The following WASF3 variants were observed in gnomAD, a reference collection of about 807,000 sequenced individuals.
The protein encoded by WASF3 is actin-binding protein WASF3.
A neutral mutation model predicts 46.6 loss-of-function variants in WASF3; 11 were observed. The ratio of observed to expected loss-of-function variants is 0.24; its 90% CI spans 0.15 to 0.39. The LOEUF (loss-of-function observed/expected upper bound fraction) is 0.39. Ranked by LOEUF, WASF3 falls within the 10% of genes least tolerant of loss-of-function variation. The probability of loss-of-function intolerance (pLI) is 1.00; values close to 1 mark genes in which losing one functional copy is unlikely to be tolerated. For missense variants in WASF3, 576 were observed against 669.8 expected, an observed-to-expected ratio of 0.86 and a Z score of 1.55; for synonymous variants, 242 against 259.7, an observed-to-expected ratio of 0.93 and a Z score of 0.65.
chr13:26,559,794 T>TTTCTC (rs777294758), intron 1 of WASF3, among the ~76,000 whole-genome samples: 1 of 61,996 alleles, frequency 1.6e-5, no homozygotes, highest in Non-Finnish European at 3.2e-5. Context: ...TTTCTTTTCT[T>TTTCTC]TCTTTCTTTC....
chr13:26,617,704 G>A (rs1347366752), intron 2 of WASF3, among the ~76,000 whole-genome samples: 1 of 152,130 alleles, frequency 6.6e-6, no homozygotes, highest in Non-Finnish European at 1.5e-5. Flanking sequence ...TAAAATTCTT[G>A]ACAGTGCATG....
chr13:26,657,654 A>G (rs1367177756), intron 3 of WASF3, among the ~76,000 whole-genome samples: 1 of 152,240 alleles, frequency 6.6e-6, no homozygotes. Flanking sequence ...ATAAGTCCAG[A>G]AGTGGAACCT....
At chr13:26,590,210 G>A (rs903376418) in intron 1 of WASF3, among the ~76,000 whole-genome samples, 3 of 151,430 alleles carry the variant, frequency 2.0e-5, no homozygotes, top group Admixed American at 1.3e-4. Context: ...TTTTTTATTC[G>A]TGACCCTCTG....
chr13:26,567,330 T>G (rs1156455968), intron 1 of WASF3, among the ~76,000 whole-genome samples: 1 of 152,158 alleles, frequency 6.6e-6, no homozygotes, highest in Non-Finnish European at 1.5e-5. Flanking sequence ...TAAAGGTGGC[T>G]TTAGAGACCG....
chr13:26,656,824 C>T (rs1323202869), intron 3 of WASF3, among the ~76,000 whole-genome samples: 4 of 151,778 alleles, frequency 2.6e-5, no homozygotes, highest in Admixed American at 2.0e-4. Flanking sequence ...TTGTAATAGT[C>T]CCATTAAAAT....
the WASF3 span, among the ~76,000 whole-genome samples, chr13:26,540,910 G>A: frequency 6.6e-6 from 1 of 152,170 alleles, no homozygotes; most frequent in Non-Finnish European, 1.5e-5. Flanking sequence ...AAAGCAGATT[G>A]CAAGATAGTT....
intron 3 of WASF3, among the ~76,000 whole-genome samples, chr13:26,644,967 A>C (rs1465369813): frequency 6.6e-6 from 1 of 152,184 alleles, no homozygotes; most frequent in Admixed American, 6.5e-5. Flanking sequence ...ACCCTTCCTC[A>C]CTTCAGGTTC....
chr13:26,622,368 A>T (rs1370954632), intron 2 of WASF3, among the ~76,000 whole-genome samples: 1 of 152,228 alleles, frequency 6.6e-6, no homozygotes, highest in Non-Finnish European at 1.5e-5. Flanking sequence ...GTTTTAAAAT[A>T]TGTAATAAAG....
chr13:26,601,074 C>T (rs1240911130), intron 1 of WASF3, among the ~76,000 whole-genome samples: 1 of 152,144 alleles, frequency 6.6e-6, no homozygotes, highest in African/African-American at 2.4e-5. Context: ...CAATAACATT[C>T]ACTTGCTTTC....
intron 1 of WASF3, among the ~76,000 whole-genome samples, chr13:26,580,277 A>G (rs576192868): frequency 4.6e-5 from 7 of 152,338 alleles, no homozygotes; most frequent in East Asian, 3.9e-4. Context: ...AATCTTATTA[A>G]TATGAATACG....
chr13:26,549,082 A>G, the WASF3 span, among the ~76,000 whole-genome samples: 5 of 151,744 alleles, frequency 3.3e-5, no homozygotes, highest in East Asian at 9.7e-4. Context: ...CCCTGGTTCA[A>G]GTAATTCTCC....
intron 1 of WASF3, among the ~76,000 whole-genome samples, chr13:26,575,747 A>G (rs1879778385): frequency 6.6e-6 from 1 of 152,178 alleles, no homozygotes; most frequent in Non-Finnish European, 1.5e-5. Flanking sequence ...TATTTGAGAC[A>G]GGTTCTAGAA....
intron 1 of WASF3, among the ~76,000 whole-genome samples, chr13:26,590,437 TAAA>T (rs1193883953): frequency 6.6e-6 from 1 of 152,230 alleles, no homozygotes; most frequent in Non-Finnish European, 1.5e-5. Context: ...ATTATTTGGT[TAAA>T]ATTTCTTTTT....
intron 1 of WASF3, among the ~76,000 whole-genome samples, chr13:26,572,875 G>A (rs973969938): frequency 5.9e-5 from 9 of 152,086 alleles, no homozygotes; most frequent in Non-Finnish European, 1.2e-4. Flanking sequence ...TTAATGTGGT[G>A]TTGGAGTCTG....
upstream of WASF3, among the ~76,000 whole-genome samples, chr13:26,554,092 C>CTTCT (rs1555245922): frequency 8.6e-5 from 2 of 23,262 alleles, no homozygotes. Context: ...TCCTTCCTTC[C>CTTCT]TTCCTTCTTT....
chr13:26,599,609 T>C (rs1336900066), intron 1 of WASF3, among the ~76,000 whole-genome samples: 1 of 152,198 alleles, frequency 6.6e-6, no homozygotes, highest in African/African-American at 2.4e-5. Flanking sequence ...TCATTTCAGC[T>C]CACATGGAGA....
intron 6 of WASF3, among the ~76,000 whole-genome samples, chr13:26,673,330 A>G (rs761541030): frequency 3.9e-5 from 6 of 152,144 alleles, no homozygotes; most frequent in Non-Finnish European, 7.4e-5. Flanking sequence ...GTCTCATTCT[A>G]CCTTCCTCAA....
chr13:26,668,295 T>C (rs1318733785), intron 5 of WASF3, among the ~76,000 whole-genome samples: 1 of 152,216 alleles, frequency 6.6e-6, no homozygotes, highest in Non-Finnish European at 1.5e-5. Flanking sequence ...TTCTCCCAGC[T>C]CAGCACTTTC....
chr13:26,555,021 G>C (rs1462568599), upstream of WASF3, among the ~76,000 whole-genome samples: 1 of 152,158 alleles, frequency 6.6e-6, no homozygotes, highest in Non-Finnish European at 1.5e-5. Context: ...CATTCCTGTT[G>C]TTTTGTATCC....
Sources: allele counts gnomAD v4.1 joint callset (sites outside exome capture counted in the v4.1 genomes callset), GRCh38; gene constraint gnomAD v4.1.1; transcripts MANE v1.5; gene names NCBI Gene and HGNC (gene_info 2026-07-23, HGNC 2026-07-21).